The following LRRC4C variants were observed in gnomAD, a reference collection of about 807,000 sequenced individuals.
LRRC4C encodes leucine-rich repeat-containing protein 4C.
In LRRC4C, 5 loss-of-function variants were observed where a neutral mutation model predicts 33.6. The ratio of observed to expected loss-of-function variants is 0.15; its 90% CI spans 0.08 to 0.31. The LOEUF is 0.31. Ranked by LOEUF, LRRC4C falls within the 10% of genes least tolerant of loss-of-function variation. LRRC4C has a pLI of 1.00. For missense variants in LRRC4C, 560 were observed against 796.7 expected (o/e 0.70, Z 3.58); for synonymous variants, 329 against 302.0 (o/e 1.09, Z -0.93).
chr11:40,948,054 T>C (rs751857447), intron 1 of LRRC4C, among the ~76,000 whole-genome samples: 45 of 152,290 alleles, frequency 3.0e-4, no homozygotes, highest in Middle Eastern at 6.8e-3. Flanking sequence ...TCATCGCCAG[T>C]GAAGCCTCTT....
At chr11:40,284,179 G>T (rs1345156064) in intron 4 of LRRC4C, among the ~76,000 whole-genome samples, 1 of 152,198 alleles carries the variant, frequency 6.6e-6, no homozygotes, top group Non-Finnish European at 1.5e-5. Flanking sequence ...CTTGCTCTGA[G>T]ACTTGACATA....
chr11:41,330,338 G>A (rs889903840), intron 1 of LRRC4C, among the ~76,000 whole-genome samples: 1 of 150,914 alleles, frequency 6.6e-6, no homozygotes, highest in Non-Finnish European at 1.5e-5. Context: ...GTTTTGTTTT[G>A]TTTTAATTAT....
chr11:40,936,017 T>C (rs1417743539), intron 1 of LRRC4C, among the ~76,000 whole-genome samples: 1 of 12,228 alleles, frequency 8.2e-5, no homozygotes, highest in Non-Finnish European at 1.4e-4. Context: ...CCAAATTTTA[T>C]ATATATATAT....
intron 2 of LRRC4C, among the ~76,000 whole-genome samples, chr11:40,926,019 T>G (rs1592109691): frequency 6.6e-6 from 1 of 152,240 alleles, no homozygotes; most frequent in African/African-American, 2.4e-5. Flanking sequence ...ACAGTTCTAA[T>G]AACACCTGCT....
intron 1 of LRRC4C, among the ~76,000 whole-genome samples, chr11:41,040,437 A>G (rs1463554682): frequency 1.3e-5 from 2 of 152,206 alleles, no homozygotes; most frequent in African/African-American, 2.4e-5. Flanking sequence ...AGCAAAAACA[A>G]CATTGACCGA....
chr11:40,796,835 T>C (rs983882022), intron 2 of LRRC4C, among the ~76,000 whole-genome samples: 1 of 151,796 alleles, frequency 6.6e-6, no homozygotes, highest in African/African-American at 2.4e-5. Context: ...TTAGTAGAGA[T>C]GGAGTCTCAC....
chr11:40,507,041 G>A (rs1312719232), intron 3 of LRRC4C, among the ~76,000 whole-genome samples: 1 of 151,784 alleles, frequency 6.6e-6, no homozygotes, highest in Non-Finnish European at 1.5e-5. Flanking sequence ...ATGTGAGGCT[G>A]AAACACAAAA....
chr11:40,870,225 T>A (rs1221972333), intron 2 of LRRC4C, among the ~76,000 whole-genome samples: 1 of 152,132 alleles, frequency 6.6e-6, no homozygotes, highest in African/African-American at 2.4e-5. Flanking sequence ...TTTATAGTTT[T>A]CAAAAAAATT....
At chr11:40,161,929 A>G (rs932866469) in intron 5 of LRRC4C, among the ~76,000 whole-genome samples, 1 of 152,148 alleles carries the variant, frequency 6.6e-6, no homozygotes, top group Non-Finnish European at 1.5e-5. Context: ...CTGCTATAAC[A>G]CAATTCCTGA....
chr11:41,077,825 C>T (rs1590458795), intron 1 of LRRC4C, among the ~76,000 whole-genome samples: 2 of 152,294 alleles, frequency 1.3e-5, no homozygotes, highest in South Asian at 2.1e-4. Context: ...ATTTTCCAAA[C>T]GTTTATGCTC....
rs371709080 is a variant in LRRC4C at position 40,133,310 on chromosome 11, C to T, written c.-43+7491G>A. ...AATTTAAATTACCATGCAAGGCAAT[C>T]CGAAGAGAACAAATATCATGTATAT... On this transcript the variant is annotated intron_variant, in intron 6 of 6. Coordinates refer to ENST00000528697, the MANE Select transcript of LRRC4C (RefSeq NM_001258419.2). Among the ~76,000 whole-genome samples the T allele has an allele frequency of 5.1e-4, 78 of 152,248 alleles. 2 individuals are homozygous for T. The South Asian group carries it at 0.016, about 31-fold the overall frequency.
chr11:40,299,440 T>G (rs1480160206), intron 4 of LRRC4C, among the ~76,000 whole-genome samples: 1 of 152,112 alleles, frequency 6.6e-6, no homozygotes. Context: ...AGCTAGCTTG[T>G]GAAAAAGGAA....
chr11:40,591,916 C>T (rs1591210547), intron 3 of LRRC4C, among the ~76,000 whole-genome samples: 1 of 152,204 alleles, frequency 6.6e-6, no homozygotes, highest in African/African-American at 2.4e-5. Flanking sequence ...TGTAACCAAT[C>T]GAATTCTTTC....
At chr11:40,822,205 T>C (rs958408072) in intron 2 of LRRC4C, among the ~76,000 whole-genome samples, 4 of 151,700 alleles carry the variant, frequency 2.6e-5, no homozygotes, top group African/African-American at 7.2e-5. Context: ...CTCCAAGAGA[T>C]TGACTTTTTT....
intron 1 of LRRC4C, among the ~76,000 whole-genome samples, chr11:40,967,913 C>T (rs953828842): frequency 2.0e-5 from 3 of 151,792 alleles, no homozygotes; most frequent in Admixed American, 1.3e-4. Context: ...AGCTACCAAT[C>T]GCTTACTAGT....
At position 40,482,266 on chromosome 11, in the gene LRRC4C, C is replaced by A. The variant is rs1459498209; in HGVS notation, c.-269-162545G>T. On this transcript the variant is annotated intron_variant, in intron 3 of 6. Coordinates refer to ENST00000528697, the MANE Select transcript of LRRC4C (RefSeq NM_001258419.2). ...CTACTCAGGTAGATTGGTGAAGAAA[C>A]CTTGGGCTGGTAGTTCAGGCAAAAC... is the stretch of plus-strand genomic sequence containing the variant. 3.3e-5 allele frequency among the ~76,000 whole-genome samples: 5 copies of A among 152,008 alleles called. No homozygotes were observed. In the South Asian group the frequency reaches 1.0e-3, roughly 32 times the overall value.
chr11:41,215,971 C>T (rs776129662), intron 1 of LRRC4C, among the ~76,000 whole-genome samples: 9 of 152,142 alleles, frequency 5.9e-5, no homozygotes, highest in South Asian at 4.1e-4. Context: ...AAGCCTACCT[C>T]GTATGCAGTT....
chr11:40,413,646 T>C (rs763719893), intron 3 of LRRC4C, among the ~76,000 whole-genome samples: 3 of 152,142 alleles, frequency 2.0e-5, no homozygotes, highest in South Asian at 2.1e-4. Flanking sequence ...TAAAATCTAC[T>C]TCTGTGTGAA....
chr11:40,537,143 C>T (rs7101932), intron 3 of LRRC4C, among the ~76,000 whole-genome samples: 50,032 of 152,010 alleles, frequency 0.33, 10,219 homozygotes, highest in East Asian at 0.65. Flanking sequence ...AAAATGGCCA[C>T]ATTTTAAATT....
Sources: allele counts gnomAD v4.1 joint callset (sites outside exome capture counted in the v4.1 genomes callset), GRCh38; gene constraint gnomAD v4.1.1; transcripts MANE v1.5; gene names NCBI Gene and HGNC (gene_info 2026-07-23, HGNC 2026-07-21).